Variants in C3orf33 observed in about 807,000 individuals in gnomAD.
The protein encoded by C3orf33 is mitochondrial inner membrane subdomain organizer 1.
Under a neutral mutation model 28.7 loss-of-function variants are expected in C3orf33, and 23 were observed. The ratio of observed to expected loss-of-function variants is 0.80; its 90% CI spans 0.58 to 1.13. C3orf33 has a LOEUF of 1.13. C3orf33 is among the 50% of genes most tolerant of loss of function. C3orf33 has a pLI of 0.00. For synonymous variants in C3orf33, 119 were observed against 120.5 expected, an observed-to-expected ratio of 0.99 and a Z score of 0.08; for missense variants, 327 against 353.4, an observed-to-expected ratio of 0.93 and a Z score of 0.60.
chr3:155,774,521 G>A (rs1177805748), intron 3 of C3orf33, among the ~76,000 whole-genome samples: 1 of 152,146 alleles, frequency 6.6e-6, no homozygotes, highest in Non-Finnish European at 1.5e-5. Flanking sequence ...GAAGCAAGGA[G>A]AAATGGGAAT....
At chr3:155,796,672 A>C (rs1751483394) in intron 2 of C3orf33, among the ~76,000 whole-genome samples, 1 of 152,216 alleles carries the variant, frequency 6.6e-6, no homozygotes, top group African/African-American at 2.4e-5. Context: ...CTCATTCTAC[A>C]AGGCTAGTAT....
rs1750317559 is a variant in C3orf33, at chr3:155,763,917, C to T, written c.485G>A (p.Gly162Asp). 1.4e-6 allele frequency: 2 copies of T among 1,416,326 alleles called. No homozygotes were observed. The highest frequency in any genetic ancestry group is 1.8e-5 in the South Asian group (1 of 56,812). 87.7% of individuals were successfully genotyped at this position (1,416,326 alleles called of 1,614,324 possible). The change falls in exon 5 of 5, where the codon GGT (glycine) becomes GAT (aspartate). Residue 162 changes from glycine to aspartate, a missense_variant and splice_region_variant. Physicochemically the swap from Gly to Asp is moderately conservative, Grantham distance 94. Transcript: ENST00000340171. ...ATTCAGATTCACGCTGAAATATCCA[C>T]CCTTGAATTTAAAAATAATACAAAC... ...ALFCYLLVSK[G>D]GYFSVNLNEE...
intron 2 of C3orf33, among the ~76,000 whole-genome samples, chr3:155,793,758 C>T (rs1385773121): frequency 2.3e-5 from 3 of 131,540 alleles, no homozygotes; most frequent in Admixed American, 1.8e-4. Context: ...TGCAGTGAGC[C>T]GAGATCGCAC....
chr3:155,776,137 T>C (rs887911866), intron 2 of C3orf33, among the ~76,000 whole-genome samples: 4 of 152,120 alleles, frequency 2.6e-5, no homozygotes, highest in African/African-American at 4.8e-5. Context: ...TCAAAAGACA[T>C]TGAGTATCTA....
chr3:155,793,829 T>TAAAAAAAAAA (rs1751391618), intron 2 of C3orf33, among the ~76,000 whole-genome samples: 1,246 of 84,452 alleles, frequency 0.015, 278 homozygotes, highest in Non-Finnish European at 0.023. Context: ...AAAAAAAAAC[T>TAAAAAAAAAA]AAAAAAACTA....
chr3:155,802,527 C>T lies in C3orf33; in HGVS notation c.174+5G>A, dbSNP rs1425571644. The T allele has an allele frequency of 2.5e-6, 4 of 1,600,732 alleles. No homozygotes were observed. The highest frequency in any genetic ancestry group is 3.4e-6 in the Non-Finnish European group (4 of 1,174,696). ...TTGTAATGTCTTTTTCATTTTTTAA[C>T]TTACCAGTCGAATGCTTCTCAAAAG... On this transcript the variant is annotated splice_donor_5th_base_variant and intron_variant, in intron 2 of 4. Transcript: ENST00000340171.
intron 1 of C3orf33, chr3:155,805,523 C>A: frequency 2.3e-6 from 1 of 436,054 alleles, no homozygotes; most frequent in South Asian, 1.6e-5. Context: ...AGTTGGAGGA[C>A]AGCCTGGACA....
intron 2 of C3orf33, among the ~76,000 whole-genome samples, chr3:155,778,141 C>CAAAAAAAAAAAA (rs55700532): frequency 4.0e-5 from 3 of 75,782 alleles, no homozygotes; most frequent in Non-Finnish European, 4.6e-5. Flanking sequence ...AACTCCATTT[C>CAAAAAAAAAAAA]AAAAAAAAAA....
At chr3:155,769,409 A>G (rs1304961954) in intron 3 of C3orf33, among the ~76,000 whole-genome samples, 1 of 151,350 alleles carries the variant, frequency 6.6e-6, no homozygotes, top group Non-Finnish European at 1.5e-5. Context: ...AATCACTTCA[A>G]TCTAGGAGGC....
At position 155,802,492 on chromosome 3, in the gene C3orf33, C is replaced by T. The variant is rs760270654; in HGVS notation, c.174+40G>A. On this transcript the variant is annotated intron_variant, in intron 2 of 4. Coordinates refer to ENST00000340171, the MANE Select transcript of C3orf33 (RefSeq NM_001308229.2). ...ATTGTCTGAAATGGAAATAAACTAC[C>T]TACGGCTTGTTGTAATGTCTTTTTC... 6.8e-6 allele frequency: 10 copies of T among 1,473,820 alleles called. No homozygotes were observed. The highest frequency in any genetic ancestry group is 9.4e-6 in the Non-Finnish European group (10 of 1,058,582). 91.3% of individuals were successfully genotyped at this position (1,473,820 alleles called of 1,614,324 possible). A position where few individuals can be genotyped will look rare whatever the true frequency, so the allele number is the denominator to read the frequency against.
intron 2 of C3orf33, among the ~76,000 whole-genome samples, chr3:155,801,067 C>T (rs1751632783): frequency 1.3e-5 from 2 of 152,132 alleles, no homozygotes. Flanking sequence ...TATCCCAGCA[C>T]TTTGGAAGAC....
chr3:155,766,921 G>C (rs764615496), intron 4 of C3orf33, among the ~76,000 whole-genome samples: 2 of 152,026 alleles, frequency 1.3e-5, no homozygotes, highest in Non-Finnish European at 2.9e-5. Flanking sequence ...CTGCACTCCA[G>C]CCTGGGCAAC....
intron 2 of C3orf33, among the ~76,000 whole-genome samples, chr3:155,793,202 A>T (rs759622319): frequency 7.7e-6 from 1 of 129,210 alleles, no homozygotes; most frequent in African/African-American, 2.6e-5. Context: ...AAGAAAATAT[A>T]TATGTGGCAA....
chr3:155,803,946 C>T (rs1011389139), intron 1 of C3orf33: 12 of 175,642 alleles, frequency 6.8e-5, no homozygotes, highest in Non-Finnish European at 1.2e-4. Flanking sequence ...GAGGCCAAGG[C>T]GGGCAGATCA....
Sources: allele counts gnomAD v4.1 joint callset (sites outside exome capture counted in the v4.1 genomes callset), GRCh38; gene constraint gnomAD v4.1.1; transcripts MANE v1.5; gene names NCBI Gene and HGNC (gene_info 2026-07-23, HGNC 2026-07-21).